The following CSRNP3 variants were observed in gnomAD, a reference collection of about 807,000 sequenced individuals.
CSRNP3 encodes cysteine/serine-rich nuclear protein 3.
A neutral mutation model predicts 48.0 loss-of-function variants in CSRNP3; 12 were observed. That is an observed-to-expected ratio of 0.25 (90% CI 0.16 to 0.41). The LOEUF (loss-of-function observed/expected upper bound fraction) is 0.41, where lower values mean the gene tolerates loss of function less well. Among genes scored for constraint, CSRNP3 ranks in the 10% least tolerant of loss-of-function variants. The pLI is 1.00. For missense variants in CSRNP3, 580 were observed against 724.4 expected, an observed-to-expected ratio of 0.80 and a Z score of 2.29; for synonymous variants, 263 against 269.7, an observed-to-expected ratio of 0.98 and a Z score of 0.24.
At chr2:165,638,355 G>A (rs1686668505) in intron 4 of CSRNP3, among the ~76,000 whole-genome samples, 2 of 152,106 alleles carry the variant, frequency 1.3e-5, no homozygotes, top group South Asian at 4.1e-4. Flanking sequence ...CAGCTACTCA[G>A]GAGGCTGAGG....
chr2:165,484,281 T>G (rs1684084856), intron 1 of CSRNP3, among the ~76,000 whole-genome samples: 1 of 152,050 alleles, frequency 6.6e-6, no homozygotes, highest in South Asian at 2.1e-4. Flanking sequence ...TTAGTAGAGA[T>G]GGGGTTTCAC....
At chr2:165,521,258 C>T (rs1684658709) in intron 3 of CSRNP3, among the ~76,000 whole-genome samples, 1 of 151,818 alleles carries the variant, frequency 6.6e-6, no homozygotes, top group Non-Finnish European at 1.5e-5. Flanking sequence ...TGCAGTTTTT[C>T]TCTGTTAGGG....
At position 165,667,179 on chromosome 2, in the gene CSRNP3, T is replaced by A. The variant is rs1283007679; in HGVS notation, c.409-9133T>A. ...AAGGAAGGAAGGAAGGAGAAAGAAA[T>A]TTTCAGGACTAGAGCACTGGTTTTC... On this transcript the variant is annotated intron_variant, in intron 5 of 6. Transcript: ENST00000651982. Among the ~76,000 whole-genome samples the A allele has an allele frequency of 2.0e-5, 3 of 151,594 alleles. No homozygotes were observed. In the East Asian group the frequency reaches 5.8e-4, roughly 30 times the overall value.
chr2:165,665,101 A>C (rs1467108175), intron 5 of CSRNP3, among the ~76,000 whole-genome samples: 1 of 152,162 alleles, frequency 6.6e-6, no homozygotes, highest in Non-Finnish European at 1.5e-5. Context: ...ATGGACTTAA[A>C]ATTGCATTTA....
At chr2:165,509,703 C>T (rs1042799443) in intron 2 of CSRNP3, among the ~76,000 whole-genome samples, 3 of 152,196 alleles carry the variant, frequency 2.0e-5, no homozygotes, top group African/African-American at 7.2e-5. Context: ...GTGTTAACCT[C>T]TTACATAACA....
intron 3 of CSRNP3, among the ~76,000 whole-genome samples, chr2:165,578,780 T>A (rs547720421): frequency 6.6e-6 from 1 of 152,242 alleles, no homozygotes; most frequent in African/African-American, 2.4e-5. Context: ...TTGTATATTA[T>A]ATGTGATTTC....
At chr2:165,591,134 G>A (rs1685709993) in intron 3 of CSRNP3, among the ~76,000 whole-genome samples, 1 of 152,164 alleles carries the variant, frequency 6.6e-6, no homozygotes, top group Admixed American at 6.5e-5. Flanking sequence ...TAGTGATATG[G>A]ACAATGAAGC....
At chr2:165,572,785 A>C (rs1685392521) in intron 3 of CSRNP3, among the ~76,000 whole-genome samples, 1 of 152,238 alleles carries the variant, frequency 6.6e-6, no homozygotes, top group Non-Finnish European at 1.5e-5. Flanking sequence ...TGATATCATT[A>C]TATTAAACTG....
intron 4 of CSRNP3, among the ~76,000 whole-genome samples, chr2:165,609,465 GAAAA>G (rs34249194): frequency 0.33 from 32,110 of 97,528 alleles, 3,729 homozygotes; most frequent in Admixed American, 0.42. Flanking sequence ...TCTAAAAAAA[GAAAA>G]AAAAAAAAAA....
chr2:165,520,798 T>TATTATATAC (rs1558923559), intron 3 of CSRNP3, among the ~76,000 whole-genome samples: 7 of 29,200 alleles, frequency 2.4e-4, no homozygotes, highest in African/African-American at 1.3e-3. Context: ...TATATATATA[T>TATTATATAC]ATATATATAT....
intron 5 of CSRNP3, among the ~76,000 whole-genome samples, chr2:165,673,876 C>T (rs530497876): frequency 6.6e-6 from 1 of 152,086 alleles, no homozygotes; most frequent in Non-Finnish European, 1.5e-5. Flanking sequence ...CAAAAATTAG[C>T]TGGGCATGGT....
intron 2 of CSRNP3, 21 bp from the exon 3 acceptor site, chr2:165,517,851 GA>G (rs1684601380): frequency 6.6e-6 from 1 of 152,224 alleles, no homozygotes; most frequent in Non-Finnish European, 1.5e-5. Flanking sequence ...ATAACATTCT[GA>G]AACGTATTTT....
At chr2:165,583,746 TAAG>T (rs999321260) in intron 3 of CSRNP3, among the ~76,000 whole-genome samples, 35 of 151,692 alleles carry the variant, frequency 2.3e-4, no homozygotes, top group Non-Finnish European at 2.2e-4. Flanking sequence ...TAAATAATAA[TAAG>T]AAGAAGTATG....
At chr2:165,676,793 A>C (rs570156566) in intron 6 of CSRNP3, among the ~76,000 whole-genome samples, 185 bp downstream of exon 6, 25 of 152,264 alleles carry the variant, frequency 1.6e-4, no homozygotes, top group Admixed American at 1.4e-3. Context: ...AAGGCCATTC[A>C]TGGGAATACA....
At chr2:165,547,092 T>C (rs1685040012) in intron 3 of CSRNP3, among the ~76,000 whole-genome samples, 1 of 152,230 alleles carries the variant, frequency 6.6e-6, no homozygotes, top group Admixed American at 6.5e-5. Context: ...AGTCTTTTTC[T>C]GTGGACAGTA....
At chr2:165,473,918 G>A (rs1328001650) in intron 1 of CSRNP3, among the ~76,000 whole-genome samples, 2 of 151,554 alleles carry the variant, frequency 1.3e-5, no homozygotes, top group Non-Finnish European at 3.0e-5. Flanking sequence ...CTATTTCTAT[G>A]AACTACGTAT....
At chr2:165,597,277 C>T (rs116161118) in intron 4 of CSRNP3, among the ~76,000 whole-genome samples, 166 of 152,166 alleles carry the variant, frequency 1.1e-3, no homozygotes, top group African/African-American at 3.4e-3. Flanking sequence ...ATTTCTAGGG[C>T]GCCCAGGCAT....
intron 5 of CSRNP3, among the ~76,000 whole-genome samples, chr2:165,660,327 T>C (rs1341407668): frequency 6.6e-6 from 1 of 152,206 alleles, no homozygotes; most frequent in African/African-American, 2.4e-5. Context: ...TGTTTACAAC[T>C]GAGAAATAAA....
At chr2:165,578,399 C>A (rs1456936982) in intron 3 of CSRNP3, among the ~76,000 whole-genome samples, 1 of 152,076 alleles carries the variant, frequency 6.6e-6, no homozygotes, top group African/African-American at 2.4e-5. Context: ...GCTGAATCGT[C>A]AACCACCATT....
Sources: allele counts gnomAD v4.1 joint callset (sites outside exome capture counted in the v4.1 genomes callset), GRCh38; gene constraint gnomAD v4.1.1; transcripts MANE v1.5; gene names NCBI Gene and HGNC (gene_info 2026-07-23, HGNC 2026-07-21).